The following UST variants were observed in gnomAD, a reference collection of about 807,000 sequenced individuals.
UST encodes the protein uronyl 2-sulfotransferase.
In UST, 21 loss-of-function variants were observed where a neutral mutation model predicts 45.6. The observed-to-expected ratio is 0.46, with a 90% CI of 0.33 to 0.66. The LOEUF is 0.66. Ranked by LOEUF, UST falls within the 30% of genes least tolerant of loss-of-function variation. UST has a pLI of 0.02. For synonymous variants in UST, 215 were observed against 200.6 expected (o/e 1.07, Z -0.61); for missense variants, 463 against 512.4 (o/e 0.90, Z 0.93).
At chr6:148,791,502 C>T (rs1000706449) in intron 1 of UST, among the ~76,000 whole-genome samples, 1 of 152,122 alleles carries the variant, frequency 6.6e-6, no homozygotes, top group African/African-American at 2.4e-5. Context: ...AGAGAAATGC[C>T]ACTCGAGGTC....
intron 5 of UST, among the ~76,000 whole-genome samples, chr6:148,994,518 A>C (rs1781414100): frequency 6.6e-6 from 1 of 152,140 alleles, no homozygotes; most frequent in African/African-American, 2.4e-5. Context: ...ACTAATATTG[A>C]AGTGAGTTCT....
chr6:148,867,637 C>T (rs1159465135), intron 1 of UST, among the ~76,000 whole-genome samples: 4 of 152,034 alleles, frequency 2.6e-5, no homozygotes, highest in Non-Finnish European at 5.9e-5. Context: ...TAAGGGGAAA[C>T]CCCTTTCGCT....
chr6:148,941,671 T>C (rs538898594), intron 3 of UST, among the ~76,000 whole-genome samples: 16 of 152,370 alleles, frequency 1.1e-4, no homozygotes, highest in South Asian at 4.1e-4. Context: ...AAGGACTGTA[T>C]GTACTTGCCC....
chr6:148,920,932 A>G (rs1361247752), intron 2 of UST, among the ~76,000 whole-genome samples: 1 of 152,250 alleles, frequency 6.6e-6, no homozygotes, highest in Non-Finnish European at 1.5e-5. Context: ...TCAGAAGGAC[A>G]AACAGCAGCT....
chr6:148,945,092 G>A (rs952933280), intron 3 of UST, among the ~76,000 whole-genome samples: 1 of 152,106 alleles, frequency 6.6e-6, no homozygotes, highest in African/African-American at 2.4e-5. Flanking sequence ...ATATTGAGAA[G>A]GCACATAATT....
intron 2 of UST, among the ~76,000 whole-genome samples, chr6:148,903,299 G>A (rs1219301278): frequency 6.6e-6 from 1 of 152,090 alleles, no homozygotes; most frequent in Non-Finnish European, 1.5e-5. Flanking sequence ...TTTAGGACAT[G>A]TACCTATTTA....
intron 2 of UST, among the ~76,000 whole-genome samples, chr6:148,916,945 C>T (rs1779602185): frequency 6.6e-6 from 1 of 152,232 alleles, no homozygotes; most frequent in African/African-American, 2.4e-5. Flanking sequence ...ATAGTTAGAG[C>T]CAATCCCTCA....
At chr6:148,986,407 T>C (rs1349200457) in intron 5 of UST, among the ~76,000 whole-genome samples, 1 of 152,228 alleles carries the variant, frequency 6.6e-6, no homozygotes, top group Non-Finnish European at 1.5e-5. Flanking sequence ...GAGCCTGGAT[T>C]TCAGCTAGTG....
intron 5 of UST, among the ~76,000 whole-genome samples, chr6:148,994,759 T>A (rs1009825016): frequency 6.6e-6 from 1 of 151,964 alleles, no homozygotes; most frequent in African/African-American, 2.4e-5. Context: ...CCCACCAGGC[T>A]CTTTTCCTTT....
At chr6:149,006,325 G>A (rs1454463606) in intron 5 of UST, among the ~76,000 whole-genome samples, 1 of 152,134 alleles carries the variant, frequency 6.6e-6, no homozygotes, top group East Asian at 1.9e-4. Flanking sequence ...TTATAAGTGA[G>A]AACATGTAGT....
intron 1 of UST, among the ~76,000 whole-genome samples, chr6:148,779,619 T>C (rs963085293): frequency 6.6e-6 from 1 of 152,352 alleles, no homozygotes; most frequent in Middle Eastern, 3.4e-3. Context: ...TGAGATGTGA[T>C]ATATGTGGAA....
intron 2 of UST, among the ~76,000 whole-genome samples, chr6:148,889,030 G>A (rs1279698608): frequency 3.3e-5 from 5 of 152,162 alleles, no homozygotes; most frequent in African/African-American, 1.2e-4. Flanking sequence ...AGGTCTTCTG[G>A]CTTCCATCCC....
At chr6:148,914,216 G>A (rs990382188) in intron 2 of UST, among the ~76,000 whole-genome samples, 1 of 151,928 alleles carries the variant, frequency 6.6e-6, no homozygotes, top group Non-Finnish European at 1.5e-5. Flanking sequence ...CTCTTTTTTT[G>A]CAATATTGTT....
intron 2 of UST, among the ~76,000 whole-genome samples, chr6:148,889,118 G>A (rs1468844540): frequency 6.6e-6 from 1 of 152,206 alleles, no homozygotes; most frequent in Non-Finnish European, 1.5e-5. Context: ...AACACAGATT[G>A]CTGGGCCCAG....
intron 1 of UST, among the ~76,000 whole-genome samples, chr6:148,780,463 G>A (rs1354570631): frequency 1.3e-5 from 2 of 151,936 alleles, no homozygotes; most frequent in African/African-American, 4.8e-5. Flanking sequence ...TGGAGGCCCT[G>A]GTGTCTGCTG....
chr6:148,903,951 C>T (rs1296683542), intron 2 of UST, among the ~76,000 whole-genome samples: 3 of 152,184 alleles, frequency 2.0e-5, no homozygotes, highest in Non-Finnish European at 4.4e-5. Context: ...TTTTAGTCAA[C>T]AAAGACCAAG....
intron 1 of UST, among the ~76,000 whole-genome samples, chr6:148,795,835 A>C (rs1776938879): frequency 6.6e-6 from 1 of 152,146 alleles, no homozygotes; most frequent in African/African-American, 2.4e-5. Context: ...TATTTTGCCG[A>C]TTCATTACGG....
chr6:148,787,153 T>A (rs944083066), intron 1 of UST, among the ~76,000 whole-genome samples: 3 of 152,200 alleles, frequency 2.0e-5, no homozygotes, highest in Non-Finnish European at 4.4e-5. Context: ...ATTCTGTAGG[T>A]AGTTTGTTTA....
At chr6:149,058,694 T>C (rs948063224) in intron 7 of UST, among the ~76,000 whole-genome samples, 2 of 152,226 alleles carry the variant, frequency 1.3e-5, no homozygotes, top group South Asian at 2.1e-4. Flanking sequence ...TCAATACTTA[T>C]ATCAAATTAA....
Sources: gnomAD v4.1 joint callset for allele counts (sites outside exome capture counted in the v4.1 genomes callset) on GRCh38, gnomAD v4.1.1 for gene constraint, MANE v1.5 for transcripts, NCBI Gene and HGNC (gene_info 2026-07-23, HGNC 2026-07-21) for gene names.